Variants in ZNF804B observed in about 807,000 individuals in gnomAD.
The protein encoded by ZNF804B is zinc finger protein 804B.
Under a neutral mutation model 101.4 loss-of-function variants are expected in ZNF804B, and 80 were observed. The ratio of observed to expected loss-of-function variants is 0.79; its 90% confidence interval spans 0.66 to 0.95. ZNF804B has a LOEUF of 0.95. ZNF804B is among the 40% of genes least tolerant of loss of function. ZNF804B has a pLI of 0.00. For synonymous variants in ZNF804B, 622 were observed against 558.8 expected, an observed-to-expected ratio of 1.11 and a Z score of -1.59; for missense variants, 1,673 against 1,561.9, an observed-to-expected ratio of 1.07 and a Z score of -1.20.
chr7:89,257,124 T>A (rs1249624498), intron 2 of ZNF804B, among the ~76,000 whole-genome samples: 2 of 152,144 alleles, frequency 1.3e-5, no homozygotes, highest in African/African-American at 4.8e-5. Context: ...TTTTTTCTCA[T>A]CATCTGTGCT....
At chr7:89,193,901 A>G (rs959211782) in intron 1 of ZNF804B, among the ~76,000 whole-genome samples, 37 of 152,062 alleles carry the variant, frequency 2.4e-4, no homozygotes, top group African/African-American at 5.3e-4. Flanking sequence ...GACTTCCACA[A>G]TGGTTGAACT....
chr7:88,911,544 T>C (rs1011781588), intron 1 of ZNF804B, among the ~76,000 whole-genome samples: 1 of 150,890 alleles, frequency 6.6e-6, no homozygotes, highest in Non-Finnish European at 1.5e-5. Flanking sequence ...TTTCACCTAA[T>C]ATATTGTAAG....
At chr7:88,829,532 A>G (rs1200698635) in intron 1 of ZNF804B, among the ~76,000 whole-genome samples, 3 of 152,146 alleles carry the variant, frequency 2.0e-5, no homozygotes, top group Non-Finnish European at 4.4e-5. Flanking sequence ...ATTTGACATT[A>G]AACTTTGTAA....
intron 1 of ZNF804B, among the ~76,000 whole-genome samples, chr7:88,950,928 T>A (rs1311763754): frequency 1.0e-4 from 1 of 9,830 alleles, no homozygotes; most frequent in Non-Finnish European, 2.4e-4. Context: ...GTGAGCTAAT[T>A]TTTTTTTTTT....
chr7:88,837,171 T>C (rs1055871548), intron 1 of ZNF804B, among the ~76,000 whole-genome samples: 22 of 151,964 alleles, frequency 1.4e-4, no homozygotes, highest in East Asian at 7.7e-4. Flanking sequence ...AATATATTTT[T>C]TTTTGTAAAG....
chr7:89,246,171 CAA>C (rs1456234585), intron 2 of ZNF804B, among the ~76,000 whole-genome samples: 1 of 152,142 alleles, frequency 6.6e-6, no homozygotes, highest in Non-Finnish European at 1.5e-5. Context: ...ACAACTAGAA[CAA>C]TAGAAAGTGT....
At position 89,275,244 on chromosome 7, in the gene ZNF804B, C is replaced by T. The variant is rs577038321; in HGVS notation, c.250-52100C>T. ...CTCATTACACATGAAATCAGGAAAA[C>T]ATGTTTCTCTACTTTAAAAATTTAG... On this transcript the variant is annotated intron_variant, in intron 2 of 3. Transcript: ENST00000333190. Among the ~76,000 whole-genome samples the T allele has an allele frequency of 3.3e-4, 50 of 151,990 alleles. 2 individuals carry two copies. In the South Asian group the frequency reaches 9.7e-3, roughly 30 times the overall value.
chr7:89,139,048 A>T (rs1790678334), intron 1 of ZNF804B, among the ~76,000 whole-genome samples: 1 of 152,062 alleles, frequency 6.6e-6, no homozygotes. Flanking sequence ...GGCATACCTC[A>T]GAGATATTGC....
At chr7:88,895,251 A>G (rs1180114141) in intron 1 of ZNF804B, among the ~76,000 whole-genome samples, 2 of 152,226 alleles carry the variant, frequency 1.3e-5, no homozygotes, top group East Asian at 1.9e-4. Flanking sequence ...ATACTTGTAC[A>G]TGGAAGTGGA....
intron 1 of ZNF804B, among the ~76,000 whole-genome samples, chr7:89,129,133 G>A (rs1790510924): frequency 1.3e-5 from 2 of 151,762 alleles, no homozygotes; most frequent in Admixed American, 1.3e-4. Flanking sequence ...ATAATTCTTG[G>A]GTATTAATCC....
chr7:89,183,114 C>T (rs1440218530), intron 1 of ZNF804B, among the ~76,000 whole-genome samples: 1 of 151,858 alleles, frequency 6.6e-6, no homozygotes, highest in African/African-American at 2.4e-5. Context: ...TTCATGTTGG[C>T]TAAAATATAA....
chr7:89,101,801 C>T (rs1229373987), intron 1 of ZNF804B, among the ~76,000 whole-genome samples: 1 of 151,804 alleles, frequency 6.6e-6, no homozygotes, highest in African/African-American at 2.4e-5. Context: ...TTAGTGTACA[C>T]ATTATTTAAG....
At chr7:89,060,916 A>C (rs570392489) in intron 1 of ZNF804B, among the ~76,000 whole-genome samples, 6 of 152,282 alleles carry the variant, frequency 3.9e-5, no homozygotes, top group African/African-American at 1.4e-4. Context: ...TTTATTGGCA[A>C]CTGCATATGG....
chr7:89,051,783 A>G (rs1789209647), intron 1 of ZNF804B, among the ~76,000 whole-genome samples: 2 of 152,278 alleles, frequency 1.3e-5, no homozygotes, highest in South Asian at 4.1e-4. Context: ...ACAAGCACAG[A>G]CTGGTGTCAG....
intron 2 of ZNF804B, among the ~76,000 whole-genome samples, chr7:89,268,733 T>G (rs1789837576): frequency 6.6e-6 from 1 of 152,086 alleles, no homozygotes; most frequent in South Asian, 2.1e-4. Flanking sequence ...CCATCAGATC[T>G]GGGGCAAGAG....
chr7:88,783,601 T>C (rs910292631), intron 1 of ZNF804B, among the ~76,000 whole-genome samples: 5 of 152,286 alleles, frequency 3.3e-5, no homozygotes, highest in African/African-American at 1.2e-4. Flanking sequence ...TTTGTTATAC[T>C]ACTGTCTTCA....
chr7:88,822,080 G>A (rs996318475), intron 1 of ZNF804B, among the ~76,000 whole-genome samples: 1 of 152,150 alleles, frequency 6.6e-6, no homozygotes, highest in Non-Finnish European at 1.5e-5. Flanking sequence ...TGTTTAGAAA[G>A]ATTGTGGGAC....
At chr7:88,989,007 C>T (rs1433694210) in intron 1 of ZNF804B, among the ~76,000 whole-genome samples, 2 of 151,772 alleles carry the variant, frequency 1.3e-5, no homozygotes, top group Non-Finnish European at 2.9e-5. Context: ...TAAAATTTCC[C>T]AGGGTTTTAT....
At chr7:89,109,472 G>C (rs1157836948) in intron 1 of ZNF804B, among the ~76,000 whole-genome samples, 1 of 152,154 alleles carries the variant, frequency 6.6e-6, no homozygotes, top group Non-Finnish European at 1.5e-5. Context: ...AATGCTGGCT[G>C]TTGATCTCCT....
Sources: gnomAD v4.1 joint callset for allele counts (sites outside exome capture counted in the v4.1 genomes callset) on GRCh38, gnomAD v4.1.1 for gene constraint, MANE v1.5 for transcripts, NCBI Gene and HGNC (gene_info 2026-07-23, HGNC 2026-07-21) for gene names.